The following KALRN variants were observed in gnomAD, a reference collection of about 807,000 sequenced individuals.
The protein encoded by KALRN is kalirin.
Under a neutral mutation model 353.7 loss-of-function variants are expected in KALRN, and 70 were observed. That is an observed-to-expected ratio of 0.20 (90% CI 0.16 to 0.24). The LOEUF (loss-of-function observed/expected upper bound fraction) is 0.24. Among genes scored for constraint, KALRN ranks in the 10% least tolerant of loss-of-function variants. KALRN has a pLI of 1.00. For missense variants in KALRN, 2,791 were observed against 3,756.7 expected (o/e 0.74, Z 6.72); for synonymous variants, 1,391 against 1,434.8 (o/e 0.97, Z 0.69).
At chr3:124,217,901 G>C (rs999498543) in intron 1 of KALRN, among the ~76,000 whole-genome samples, 3 of 152,222 alleles carry the variant, frequency 2.0e-5, no homozygotes, top group African/African-American at 7.2e-5. Flanking sequence ...ACTGTGCCCA[G>C]TCTGTGCCAG....
intron 28 of KALRN, among the ~76,000 whole-genome samples, chr3:124,487,681 A>G (rs1035505897): frequency 8.5e-5 from 13 of 152,220 alleles, no homozygotes; most frequent in Admixed American, 8.5e-4. Context: ...AAGCCTATTA[A>G]GTCTCCAACC....
At chr3:124,233,248 G>A (rs947400530) in intron 2 of KALRN, among the ~76,000 whole-genome samples, 12 of 152,320 alleles carry the variant, frequency 7.9e-5, no homozygotes, top group African/African-American at 2.9e-4. Context: ...AATGCTTGGG[G>A]TGAGGTCAAG....
chr3:124,283,026 A>T (rs576680367), intron 5 of KALRN, among the ~76,000 whole-genome samples: 74 of 152,294 alleles, frequency 4.9e-4, no homozygotes, highest in African/African-American at 1.7e-3. Flanking sequence ...TCCCCAAGAG[A>T]AGGGCTCCCA....
intron 33 of KALRN, among the ~76,000 whole-genome samples, chr3:124,552,926 C>T (rs1447619271): frequency 2.6e-5 from 4 of 152,046 alleles, no homozygotes; most frequent in Non-Finnish European, 4.4e-5. Flanking sequence ...CCACCATGCC[C>T]GGCTAATTTT....
chr3:124,602,107 C>T (rs918980804), intron 34 of KALRN, among the ~76,000 whole-genome samples: 27 of 151,864 alleles, frequency 1.8e-4, no homozygotes, highest in East Asian at 1.4e-3. Flanking sequence ...AATAACCATA[C>T]ATACCAGTTT....
intron 45 of KALRN, among the ~76,000 whole-genome samples, chr3:124,664,183 G>T (rs894345819): frequency 4.6e-5 from 7 of 152,080 alleles, no homozygotes; most frequent in African/African-American, 1.4e-4. Context: ...GATCCCTTTT[G>T]CTCTTCAACC....
chr3:124,048,287 TTC>T (rs1286451454), intron 1 of KALRN, among the ~76,000 whole-genome samples: 2 of 152,176 alleles, frequency 1.3e-5, no homozygotes, highest in Admixed American at 6.5e-5. Flanking sequence ...TGAATACTCT[TTC>T]TCTCTCTTAC....
At chr3:124,253,809 C>T (rs1321262145) in intron 3 of KALRN, among the ~76,000 whole-genome samples, 4 of 152,194 alleles carry the variant, frequency 2.6e-5, no homozygotes, top group African/African-American at 7.2e-5. Flanking sequence ...CCCTGAAACA[C>T]ACACCCAGGC....
intron 1 of KALRN, among the ~76,000 whole-genome samples, chr3:124,217,514 C>T (rs1468442035): frequency 6.6e-6 from 1 of 152,080 alleles, no homozygotes; most frequent in Non-Finnish European, 1.5e-5. Flanking sequence ...TTCTTGGTTA[C>T]CACAATAACT....
At chr3:124,340,197 T>C (rs1170325957) in intron 9 of KALRN, among the ~76,000 whole-genome samples, 2 of 152,110 alleles carry the variant, frequency 1.3e-5, no homozygotes, top group African/African-American at 4.8e-5. Context: ...AGTGGAGAGC[T>C]GAATGAATGA....
chr3:124,325,777 T>C (rs549795525), intron 6 of KALRN, among the ~76,000 whole-genome samples: 9 of 152,320 alleles, frequency 5.9e-5, no homozygotes, highest in African/African-American at 2.2e-4. Flanking sequence ...TTCCCCACAA[T>C]GAAAGTTCCC....
chr3:124,232,436 C>T (rs558294659), intron 2 of KALRN, among the ~76,000 whole-genome samples: 3 of 152,298 alleles, frequency 2.0e-5, no homozygotes, highest in Non-Finnish European at 2.9e-5. Context: ...CTGAACTCTT[C>T]CCTCTCCACC....
At chr3:124,269,286 G>A in intron 5 of KALRN, 31 bp downstream of exon 5, 2 of 1,551,630 alleles carry the variant, frequency 1.3e-6, no homozygotes, top group Non-Finnish European at 1.7e-6. Context: ...ACCTGAGCCG[G>A]GATGGGGGTG....
At chr3:124,344,665 G>A (rs929621742) in intron 9 of KALRN, among the ~76,000 whole-genome samples, 17 of 152,062 alleles carry the variant, frequency 1.1e-4, no homozygotes, top group South Asian at 2.1e-4. Flanking sequence ...AACTTTCGTC[G>A]AAATTGCACA....
rs140110480 is a variant in KALRN, at chr3:124,712,872, C to G, written c.8076-63C>G. 1,079 of 1,199,274 alleles carry G rather than the reference C, an allele frequency of 9.0e-4. 3 individuals are homozygous for G. In the African/African-American group the frequency reaches 0.014, roughly 16 times the overall value. 74.3% of individuals were successfully genotyped at this position (1,199,274 alleles called of 1,614,324 possible). The stretch of plus-strand genomic sequence containing the variant: ...CACTTCCCACAAAACTTTACTTATC[C>G]ATGAATAAAATATATCTAGTTAATT... On this transcript the variant is annotated intron_variant, in intron 57 of 59. Coordinates refer to ENST00000682506, the MANE Select transcript of KALRN (RefSeq NM_001388419.1).
At chr3:124,410,212 C>T (rs183238204) in intron 13 of KALRN, 3 of 533,054 alleles carry the variant, frequency 5.6e-6, no homozygotes, top group African/African-American at 3.8e-5. Flanking sequence ...TCACCAGGAC[C>T]GTCGGCACCT....
intron 54 of KALRN, 134 bp downstream of exon 54, chr3:124,696,389 G>A: frequency 1.5e-6 from 1 of 660,506 alleles, no homozygotes. Flanking sequence ...AACCACCTCA[G>A]CCTCCCGATT....
chr3:124,655,053 C>T (rs1000921401), intron 38 of KALRN, among the ~76,000 whole-genome samples: 1 of 152,186 alleles, frequency 6.6e-6, no homozygotes, highest in African/African-American at 2.4e-5. Context: ...GGCCAGTTAC[C>T]ATGATACCTA....
intron 34 of KALRN, among the ~76,000 whole-genome samples, chr3:124,591,136 C>T (rs1453624548): frequency 1.3e-5 from 2 of 152,186 alleles, no homozygotes; most frequent in Admixed American, 1.3e-4. Context: ...ATGTGGTCTG[C>T]TTTCAAGGGA....
Sources: gnomAD v4.1 joint callset for allele counts (sites outside exome capture counted in the v4.1 genomes callset) on GRCh38, gnomAD v4.1.1 for gene constraint, MANE v1.5 for transcripts, NCBI Gene and HGNC (gene_info 2026-07-23, HGNC 2026-07-21) for gene names.